SNTB2: variants seen among roughly 807,000 people sequenced by gnomAD.
SNTB2 encodes beta-2-syntrophin.
In SNTB2, 34 loss-of-function variants were observed where a neutral mutation model predicts 46.2. The observed-to-expected ratio is 0.74, with a 90% CI of 0.56 to 0.98. The LOEUF (loss-of-function observed/expected upper bound fraction) is 0.98. Ranked by LOEUF, SNTB2 falls within the 50% of genes least tolerant of loss-of-function variation. The pLI is 0.00. For missense variants in SNTB2, 603 were observed against 731.4 expected, an observed-to-expected ratio of 0.82 and a Z score of 2.02; for synonymous variants, 290 against 312.6, an observed-to-expected ratio of 0.93 and a Z score of 0.76.
At chr16:69,208,266 C>T (rs1206971936) in intron 1 of SNTB2, among the ~76,000 whole-genome samples, 1 of 151,882 alleles carries the variant, frequency 6.6e-6, no homozygotes, top group Non-Finnish European at 1.5e-5. Flanking sequence ...ACTAGCCGGA[C>T]ATGGTGGTGC....
chr16:69,238,396 A>G (rs538371453), intron 1 of SNTB2, among the ~76,000 whole-genome samples: 38 of 152,158 alleles, frequency 2.5e-4, no homozygotes, highest in African/African-American at 8.7e-4. Context: ...CTATTTTTCC[A>G]TGTGGTTTCC....
chr16:69,277,024 C>G (rs1044574241), intron 4 of SNTB2, among the ~76,000 whole-genome samples: 2 of 152,190 alleles, frequency 1.3e-5, no homozygotes, highest in Admixed American at 6.5e-5. Context: ...TGAAGAATGA[C>G]TGTTGTCTCA....
chr16:69,299,146 CT>C (rs375905717), intron 5 of SNTB2, among the ~76,000 whole-genome samples: 373 of 138,546 alleles, frequency 2.7e-3, no homozygotes, highest in East Asian at 4.3e-3. Flanking sequence ...AAACACACTT[CT>C]TTTTTTTTTT....
At chr16:69,249,096 G>T (rs1333111034) in intron 2 of SNTB2, among the ~76,000 whole-genome samples, 1 of 148,540 alleles carries the variant, frequency 6.7e-6, no homozygotes, top group African/African-American at 2.5e-5. Flanking sequence ...CCTGGTCTCA[G>T]CTCACTGCAA....
intron 1 of SNTB2, among the ~76,000 whole-genome samples, chr16:69,236,075 C>CA (rs1214083678): frequency 6.6e-6 from 1 of 152,136 alleles, no homozygotes; most frequent in Non-Finnish European, 1.5e-5. Flanking sequence ...CAGGAAAAGT[C>CA]AGAGTATACC....
intron 1 of SNTB2, among the ~76,000 whole-genome samples, chr16:69,199,601 A>AAAAAAAAAAAAAAAAAAAAC (rs1964140366): frequency 6.6e-6 from 1 of 151,174 alleles, no homozygotes; most frequent in African/African-American, 2.4e-5. Flanking sequence ...GCCTCAAAAA[A>AAAAAAAAAAAAAAAAAAAAC]AAAAAAAAAA....
chr16:69,279,730 G>T (rs1251816184), intron 4 of SNTB2, among the ~76,000 whole-genome samples: 1 of 150,884 alleles, frequency 6.6e-6, no homozygotes, highest in Non-Finnish European at 1.5e-5. Context: ...GGGTTTCACC[G>T]TGTTAGCCAG....
In SNTB2 at chr16:69,267,173, G is replaced by A. The variant is rs148243867; in HGVS notation, c.1006-2970G>A. On this transcript the variant is annotated intron_variant, in intron 3 of 6. Transcript: ENST00000336278. The stretch of plus-strand genomic sequence containing the variant: ...CTTCTGAGTAGCTGGGACTACAGGC[G>A]CGTGCCACCATGCCCAGCTAATTTT... Among the ~76,000 whole-genome samples the A allele has an allele frequency of 9.1e-4, 138 of 152,122 alleles. No individual in the cohort carries two copies. The East Asian group carries it at 0.024, about 26-fold the overall frequency.
At chr16:69,262,203 A>C (rs1275163747) in intron 3 of SNTB2, among the ~76,000 whole-genome samples, 1 of 152,232 alleles carries the variant, frequency 6.6e-6, no homozygotes, top group African/African-American at 2.4e-5. Context: ...AGTTTCTGAC[A>C]GTAAATAGTA....
At chr16:69,250,209 T>A (rs1419900136) in intron 2 of SNTB2, among the ~76,000 whole-genome samples, 1 of 152,206 alleles carries the variant, frequency 6.6e-6, no homozygotes, top group African/African-American at 2.4e-5. Flanking sequence ...TTTTTAGACA[T>A]AAAAGTAGTA....
In SNTB2 at chr16:69,307,799, A is replaced by G. The variant is rs1208590441; in HGVS notation, c.*6875A>G. The stretch of plus-strand genomic sequence containing the variant: ...GACTCCATTTAAAAAATTAAAAAAA[A>G]AAAAAAAACTTTTAACATTTAAAAA... On this transcript the variant is annotated 3_prime_UTR_variant, in exon 7 of 7. Coordinates refer to ENST00000336278, the MANE Select transcript of SNTB2 (RefSeq NM_006750.4). 6.6e-6 allele frequency: 1 copy of G among 152,144 alleles called. No individual in the cohort carries two copies. Among genetic ancestry groups the G allele is most frequent in the Non-Finnish European group, 1.5e-5 (1 of 68,038 alleles). 9.4% of individuals were successfully genotyped at this position (152,144 alleles called of 1,614,324 possible).
chr16:69,205,033 AG>A (rs1964199752), intron 1 of SNTB2, among the ~76,000 whole-genome samples: 1 of 152,308 alleles, frequency 6.6e-6, no homozygotes, highest in East Asian at 1.9e-4. Context: ...AGAACTCCTT[AG>A]CAAACAAGAG....
intron 1 of SNTB2, among the ~76,000 whole-genome samples, chr16:69,229,034 A>C (rs1182938604): frequency 1.3e-5 from 2 of 152,210 alleles, no homozygotes; most frequent in Admixed American, 1.3e-4. Context: ...TAAGATACAG[A>C]TGTAAGGCAA....
chr16:69,273,927 C>T (rs1964961926), intron 4 of SNTB2, among the ~76,000 whole-genome samples: 1 of 151,958 alleles, frequency 6.6e-6, no homozygotes, highest in African/African-American at 2.4e-5. Context: ...AGAATGGTGC[C>T]TGACACATTG....
chr16:69,250,517 T>G (rs1055842271), intron 2 of SNTB2, among the ~76,000 whole-genome samples: 3 of 152,232 alleles, frequency 2.0e-5, no homozygotes, highest in African/African-American at 7.2e-5. Flanking sequence ...TTAAATAAGT[T>G]CCTTAATTTC....
chr16:69,201,391 C>A (rs1337591599), intron 1 of SNTB2, among the ~76,000 whole-genome samples: 1 of 151,850 alleles, frequency 6.6e-6, no homozygotes, highest in African/African-American at 2.4e-5. Flanking sequence ...AGCAGGCCAA[C>A]TTATTTATGT....
In SNTB2 at chr16:69,228,505, C is replaced by CAAA. The variant is rs778681180; in HGVS notation, c.581-17077_581-17075dup. On this transcript the variant is annotated intron_variant, in intron 1 of 6. Transcript: ENST00000336278. ...TGGGCAACAGGGTGAGACTCTATCT[C>CAAA]AAAAAAAAAAAAAAAAAAAAAAGAA... Among the ~76,000 whole-genome samples the CAAA allele has an allele frequency of 4.6e-3, 229 of 49,624 alleles. 3 individuals are homozygous for CAAA. Among genetic ancestry groups the CAAA allele is most frequent in the Middle Eastern group, 0.013 (1 of 76 alleles). 32.6% of individuals were successfully genotyped at this position (49,624 alleles called of 152,430 possible).
intron 1 of SNTB2, among the ~76,000 whole-genome samples, chr16:69,199,595 C>CAAAAAAAAAAAAAAAATAAAAAAAA (rs60011703): frequency 1.3e-5 from 1 of 76,870 alleles, no homozygotes; most frequent in Non-Finnish European, 2.6e-5. Flanking sequence ...AACACTGCCT[C>CAAAAAAAAAAAAAAAATAAAAAAAA]AAAAAAAAAA....
chr16:69,292,396 ATATATATATATTATATATATATT>A (rs1965175213), intron 5 of SNTB2, among the ~76,000 whole-genome samples: 1 of 30,940 alleles, frequency 3.2e-5, no homozygotes, highest in Non-Finnish European at 4.9e-5. Context: ...TATATTATAT[ATATATATATATTATATATATATT>A]ATATATATAT....
Sources: gnomAD v4.1 joint callset for allele counts (sites outside exome capture counted in the v4.1 genomes callset) on GRCh38, gnomAD v4.1.1 for gene constraint, MANE v1.5 for transcripts, NCBI Gene and HGNC (gene_info 2026-07-23, HGNC 2026-07-21) for gene names.